The following SGCD variants were observed in gnomAD, a reference collection of about 807,000 sequenced individuals.
SGCD encodes sarcoglycan delta, also known as delta-sarcoglycan.
In SGCD, 18 loss-of-function variants were observed where a neutral mutation model predicts 36.6. That is an observed-to-expected ratio of 0.49 (90% confidence interval 0.34 to 0.73). The LOEUF (loss-of-function observed/expected upper bound fraction) is 0.73. Among genes scored for constraint, SGCD ranks in the 30% least tolerant of loss-of-function variants. The probability of loss-of-function intolerance (pLI) is 0.01; values close to 1 mark genes in which losing one functional copy is unlikely to be tolerated. For missense variants in SGCD, 387 were observed against 346.7 expected (o/e 1.12, Z -0.92); for synonymous variants, 133 against 130.6 (o/e 1.02, Z -0.12).
At chr5:156,181,222 A>G (rs953626374) in intron 3 of SGCD, among the ~76,000 whole-genome samples, 1 of 152,170 alleles carries the variant, frequency 6.6e-6, no homozygotes, top group Non-Finnish European at 1.5e-5. Flanking sequence ...CAAAAATAGC[A>G]TCAGAAAACA....
the SGCD span, among the ~76,000 whole-genome samples, chr5:155,778,947 G>T: frequency 6.6e-6 from 1 of 152,028 alleles, no homozygotes; most frequent in Non-Finnish European, 1.5e-5. Context: ...TGAAATAAAG[G>T]GCCAGGGCCT....
At chr5:156,647,405 G>A (rs1763270142) in intron 6 of SGCD, 59 bp from the exon 7 acceptor site, 2 of 1,139,200 alleles carry the variant, frequency 1.8e-6, no homozygotes. Context: ...TGTGCTGATT[G>A]TGCCTACAGG....
At chr5:155,784,434 C>A in the SGCD span, among the ~76,000 whole-genome samples, 1 of 152,054 alleles carries the variant, frequency 6.6e-6, no homozygotes, top group East Asian at 1.9e-4. Context: ...TAGTGCCATG[C>A]CGTTTTGGAT....
intron 4 of SGCD, among the ~76,000 whole-genome samples, chr5:156,511,365 C>T (rs1196357959): frequency 2.0e-5 from 3 of 152,216 alleles, no homozygotes; most frequent in African/African-American, 7.2e-5. Flanking sequence ...TGTCTGTTCT[C>T]ACCTGCACCA....
chr5:156,090,584 C>G (rs1761215634), intron 1 of SGCD, among the ~76,000 whole-genome samples: 1 of 152,198 alleles, frequency 6.6e-6, no homozygotes, highest in Non-Finnish European at 1.5e-5. Context: ...TCCCACTGGG[C>G]ACACATTGTC....
chr5:155,773,894 T>G, the SGCD span, among the ~76,000 whole-genome samples: 1 of 152,038 alleles, frequency 6.6e-6, no homozygotes, highest in African/African-American at 2.4e-5. Flanking sequence ...AGGATGTGGG[T>G]GGAGACCTGA....
At chr5:156,081,478 G>T (rs897724000) in intron 1 of SGCD, among the ~76,000 whole-genome samples, 1 of 152,038 alleles carries the variant, frequency 6.6e-6, no homozygotes, top group Non-Finnish European at 1.5e-5. Context: ...CTGCAGCATT[G>T]ATCTCCCTGG....
intron 7 of SGCD, among the ~76,000 whole-genome samples, chr5:156,695,520 GATAGATAGATAGAT>G (rs1754282723): frequency 1.0e-3 from 5 of 4,790 alleles, no homozygotes; most frequent in African/African-American, 2.8e-3. Flanking sequence ...TGGATAGATA[GATAGATAGATAGAT>G]AGATAGATAG....
intron 1 of SGCD, among the ~76,000 whole-genome samples, chr5:155,922,898 A>C (rs998913676): frequency 7.2e-5 from 11 of 152,198 alleles, no homozygotes; most frequent in Non-Finnish European, 1.2e-4. Flanking sequence ...CCACTGAAAA[A>C]TTTGAATGCC....
intron 3 of SGCD, among the ~76,000 whole-genome samples, chr5:156,250,058 GCT>G (rs1554087204): frequency 6.6e-6 from 1 of 152,114 alleles, no homozygotes; most frequent in Non-Finnish European, 1.5e-5. Flanking sequence ...CTGTCTCTGG[GCT>G]CTCCTAGATT....
chr5:155,853,693 A>AT, the SGCD span, among the ~76,000 whole-genome samples: 2 of 152,166 alleles, frequency 1.3e-5, no homozygotes, highest in Non-Finnish European at 2.9e-5. Context: ...TCCCAGAGGG[A>AT]TTGCTAATGA....
chr5:156,613,883 T>C (rs1487495339), intron 6 of SGCD, among the ~76,000 whole-genome samples: 1 of 152,240 alleles, frequency 6.6e-6, no homozygotes, highest in Non-Finnish European at 1.5e-5. Context: ...GCTGAACTAA[T>C]CACTTGCCCT....
chr5:156,674,116 C>A (rs1336358469), intron 7 of SGCD, among the ~76,000 whole-genome samples: 3 of 152,184 alleles, frequency 2.0e-5, no homozygotes, highest in Non-Finnish European at 2.9e-5. Flanking sequence ...TGATTGCCTA[C>A]CCCTGCAAAT....
At chr5:156,103,802 T>C (rs573382689) in intron 1 of SGCD, among the ~76,000 whole-genome samples, 1 of 152,216 alleles carries the variant, frequency 6.6e-6, no homozygotes, top group East Asian at 1.9e-4. Flanking sequence ...CACCTGGAAA[T>C]TGGAATATTG....
chr5:156,465,588 G>A (rs1001476343), intron 3 of SGCD, among the ~76,000 whole-genome samples: 1 of 152,076 alleles, frequency 6.6e-6, no homozygotes, highest in African/African-American at 2.4e-5. Flanking sequence ...CTACCCTGGA[G>A]GCCGCCTCCA....
intron 7 of SGCD, among the ~76,000 whole-genome samples, chr5:156,734,525 G>A (rs11949511): frequency 0.11 from 16,077 of 152,044 alleles, 1,619 homozygotes; most frequent in African/African-American, 0.26. Context: ...ACAATCAGTC[G>A]TAGATTTGGT....
chr5:155,883,421 G>A (rs978086985), intron 1 of SGCD, among the ~76,000 whole-genome samples: 3 of 152,120 alleles, frequency 2.0e-5, no homozygotes, highest in Non-Finnish European at 4.4e-5. Context: ...TAAGAGACAT[G>A]CAACTCTTTC....
At chr5:156,579,827 T>C (rs1004760341) in intron 4 of SGCD, among the ~76,000 whole-genome samples, 9 of 152,214 alleles carry the variant, frequency 5.9e-5, no homozygotes, top group Non-Finnish European at 8.8e-5. Flanking sequence ...GAGGTGGGTC[T>C]CCTGAATACA....
intron 3 of SGCD, among the ~76,000 whole-genome samples, chr5:156,363,533 G>T (rs2127732966): frequency 6.6e-6 from 1 of 152,118 alleles, no homozygotes; most frequent in East Asian, 1.9e-4. Context: ...TCATTGATCA[G>T]CTCAATGTCA....
Sources: allele counts gnomAD v4.1 joint callset (sites outside exome capture counted in the v4.1 genomes callset), GRCh38; gene constraint gnomAD v4.1.1; transcripts MANE v1.5; gene names NCBI Gene and HGNC (gene_info 2026-07-23, HGNC 2026-07-21).